SMTN: variants seen among roughly 807,000 people sequenced by gnomAD.
SMTN encodes smoothelin.
A neutral mutation model predicts 102.0 loss-of-function variants in SMTN; 58 were observed. The observed-to-expected ratio is 0.57, with a 90% confidence interval of 0.46 to 0.71. The LOEUF is 0.71. Among genes scored for constraint, SMTN ranks in the 30% least tolerant of loss-of-function variants. The probability of loss-of-function intolerance (pLI) is 0.00; values close to 1 mark genes in which losing one functional copy is unlikely to be tolerated. For synonymous variants in SMTN, 478 were observed against 497.9 expected, an observed-to-expected ratio of 0.96 and a Z score of 0.53; for missense variants, 1,185 against 1,241.7, an observed-to-expected ratio of 0.95 and a Z score of 0.69.
intron 2 of SMTN, among the ~76,000 whole-genome samples, chr22:31,084,793 C>A (rs997351277): frequency 6.6e-6 from 1 of 152,260 alleles, no homozygotes; most frequent in Non-Finnish European, 1.5e-5. Flanking sequence ...CTGCCCCGGT[C>A]TCGGGATCGG....
At chr22:31,069,081 G>A (rs546261581) in intron 1 of SMTN, among the ~76,000 whole-genome samples, 1 of 152,304 alleles carries the variant, frequency 6.6e-6, no homozygotes, top group South Asian at 2.1e-4. Flanking sequence ...GGGGCTAGTT[G>A]TAAGGTTTAG....
intron 3 of SMTN, 192 bp downstream of exon 3, chr22:31,088,305 C>T: frequency 1.2e-6 from 1 of 812,086 alleles, no homozygotes; most frequent in South Asian, 1.8e-5. Flanking sequence ...GGCGTCGCGG[C>T]CGTGCTGATG....
chr22:31,098,659 A>G lies in SMTN; in HGVS notation c.2160-8A>G. On this transcript the variant is annotated splice_polypyrimidine_tract_variant and splice_region_variant and intron_variant, in intron 16 of 20. Coordinates refer to ENST00000333137, the MANE Select transcript of SMTN (RefSeq NM_134269.3). ...TCCCTGCCTAACATGCGCCTCCCCA[A>G]CCCCTAGCATCTTCGACCGCGAGGA... 6.2e-7 allele frequency: 1 copy of G among 1,612,364 alleles called. No individual in the cohort carries two copies. Among genetic ancestry groups the G allele is most frequent in the Non-Finnish European group, 8.5e-7 (1 of 1,179,416 alleles).
At chr22:31,098,064 G>C (rs1012418251) in intron 16 of SMTN, among the ~76,000 whole-genome samples, 2 of 152,158 alleles carry the variant, frequency 1.3e-5, no homozygotes, top group South Asian at 2.1e-4. Flanking sequence ...AGAAAGGAGG[G>C]TACCCCCATG....
chr22:31,071,531 C>T (rs925159952), intron 1 of SMTN, among the ~76,000 whole-genome samples: 1 of 151,428 alleles, frequency 6.6e-6, no homozygotes, highest in African/African-American at 2.4e-5. Context: ...GTGGGAGGAT[C>T]GCTTGAGCCC....
At chr22:31,092,520 C>T (rs779530742) in intron 11 of SMTN, 44 of 471,114 alleles carry the variant, frequency 9.3e-5, no homozygotes, top group Middle Eastern at 3.2e-4. Context: ...GCGGGCCACC[C>T]GGCTGCCCAG....
In SMTN at chr22:31,089,925, G is replaced by A. The variant is rs1196702909; in HGVS notation, c.698G>A (p.Ser233Asn). ...AQCLTAEVPG[S>N]PEPPPSPPKT... is the part of the protein sequence containing the mutation. Reference sequence around the variant, plus strand: ...TGCCTTACAGCTGAGGTTCCAGGCAGCCCAGAGCCACCCCCCAGCCCACCC... The same window carrying A: ...TGCCTTACAGCTGAGGTTCCAGGCAACCCAGAGCCACCCCCCAGCCCACCC... The change falls in exon 7 of 21, where the codon AGC becomes AAC. Residue 233 changes from serine (S) to asparagine (N), a missense_variant. By Grantham distance (46) the Ser-to-Asn change is conservative. This residue lies in a region of SMTN where 1,096 missense variants were observed against 1,112.7 expected (regional missense o/e 0.98). Transcript: ENST00000333137. 4 of 1,606,812 alleles carry A rather than the reference G, an allele frequency of 2.5e-6. 1 individual carries two copies. The South Asian group carries it at 4.4e-5, about 18-fold the overall frequency.
In SMTN at chr22:31,099,060, A is replaced by C; in HGVS notation, c.2334-2A>C. On this transcript the variant is annotated splice_acceptor_variant, in intron 17 of 20. Transcript: ENST00000333137. LOFTEE classifies it high-confidence loss of function. ...GACCTGGTCCTGACACCGCCCCTAC[A>C]GCAGCCCTGGCGGACCCCGCGCAGC... is the stretch of plus-strand genomic sequence containing the variant. The C allele has an allele frequency of 6.2e-7, 1 of 1,610,798 alleles. No individual in the cohort carries two copies. The highest frequency in any genetic ancestry group is 8.5e-7 in the Non-Finnish European group (1 of 1,179,662).
intron 1 of SMTN, chr22:31,064,642 A>G (rs1312328372): frequency 6.6e-6 from 1 of 152,150 alleles, no homozygotes; most frequent in Non-Finnish European, 1.5e-5. Context: ...ACAGGTGCAC[A>G]CCACCACACC....
chr22:31,079,541 G>A (rs1029847956), upstream of SMTN, among the ~76,000 whole-genome samples: 3 of 152,252 alleles, frequency 2.0e-5, no homozygotes, highest in Admixed American at 6.5e-5. Context: ...AATCAGAGGT[G>A]GCCTAGGTGT....
In SMTN at chr22:31,085,132, G is replaced by C. The variant is rs1395356096; in HGVS notation, c.51+1823G>C. ...CCGCGTGCCCCTCCACCACCCGCCG[G>C]GACGCCCTCTGCCTCGGTCCCGAGT... is the stretch of plus-strand genomic sequence containing the variant. On this transcript the variant is annotated intron_variant, in intron 2 of 20. Coordinates refer to ENST00000333137, the MANE Select transcript of SMTN (RefSeq NM_134269.3). 2.0e-6 allele frequency: 3 copies of C among 1,535,414 alleles called. No homozygotes were observed. In the South Asian group the frequency reaches 3.6e-5, roughly 18 times the overall value.
At chr22:31,093,951 C>A in intron 11 of SMTN, 1 of 976,536 alleles carries the variant, frequency 1.0e-6, no homozygotes, top group Non-Finnish European at 1.5e-6. Context: ...GGTATGTCAC[C>A]ACCTTCTCTG....
At position 31,095,783 on chromosome 22, in the gene SMTN, C is replaced by T; in HGVS notation, c.1861+174C>T. The T allele has an allele frequency of 3.3e-6, 2 of 614,624 alleles. No individual in the cohort carries two copies. The highest frequency in any genetic ancestry group is 5.7e-6 in the Non-Finnish European group (2 of 350,336). 38.1% of individuals were successfully genotyped at this position (614,624 alleles called of 1,614,324 possible). On this transcript the variant is annotated intron_variant, in intron 13 of 20. Transcript: ENST00000333137. The surrounding 1 kb of genome is among the most constrained non-coding windows in gnomAD (Gnocchi z 4.1). The stretch of plus-strand genomic sequence containing the variant: ...TCCCTGCTGGATCCAGCTGCTCCTT[C>T]CCTAGCTCCTTCTCTCCCGCTGGTG...
In SMTN at chr22:31,089,767, C is replaced by T. The variant is rs2042975823; in HGVS notation, c.540C>T (p.Thr180=). ...VSKPTPTPEG[T]SQDVTTVTLL... is the part of the protein sequence containing the mutation. ...AGCCAACCCCCACCCCTGAAGGCAC[C>T]AGCCAGGATGTGACCACAGTGACAC... Residue 180 remains threonine (T), a synonymous_variant, in exon 7 of 21, where the codon ACC becomes ACT. Transcript: ENST00000333137. 6.2e-7 allele frequency: 1 copy of T among 1,612,432 alleles called. No individual in the cohort carries two copies. Among genetic ancestry groups the T allele is most frequent in the Non-Finnish European group, 8.5e-7 (1 of 1,179,962 alleles).
intron 2 of SMTN, chr22:31,085,433 A>T (rs1400994501): frequency 5.4e-6 from 4 of 740,402 alleles, no homozygotes; most frequent in African/African-American, 1.8e-5. Flanking sequence ...AAGCCTGGAG[A>T]GCCCCCTCCG....
Position 31,104,466 on chromosome 22 carries a change from GC to G in SMTN, c.*173del. ...TGCGCCTGCGCGGCAAGAATGTCTAGCCTGCCCGCCCGCATGGCCAGCCAGT... is the reference window on the plus strand; with the variant it reads ...TGCGCCTGCGCGGCAAGAATGTCTAGCTGCCCGCCCGCATGGCCAGCCAGT... On this transcript the variant is annotated 3_prime_UTR_variant, in exon 21 of 21. Coordinates refer to ENST00000333137, the MANE Select transcript of SMTN (RefSeq NM_134269.3). 3.1e-6 allele frequency: 5 copies of G among 1,612,566 alleles called. No homozygotes were observed. The highest frequency in any genetic ancestry group is 4.2e-6 in the Non-Finnish European group (5 of 1,179,882).
At chr22:31,098,592 C>T (rs1481547572) in intron 16 of SMTN, 75 bp from the exon 17 acceptor site, 4 of 1,474,852 alleles carry the variant, frequency 2.7e-6, no homozygotes, top group Non-Finnish European at 3.7e-6. Context: ...ACCCCCCCTC[C>T]TCCTCGCGAG....
At chr22:31,090,068 G>T in intron 7 of SMTN, 40 bp from the exon 8 acceptor site, 4 of 1,610,594 alleles carry the variant, frequency 2.5e-6, no homozygotes, top group Non-Finnish European at 3.4e-6. Context: ...GCAGGTCTGG[G>T]AGTCAGGCCT....
At chr22:31,072,495 T>C in intron 1 of SMTN, among the ~76,000 whole-genome samples, 1 of 152,246 alleles carries the variant, frequency 6.6e-6, no homozygotes, top group African/African-American at 2.4e-5. Flanking sequence ...GGAATTTCCC[T>C]CTTGTCACCC....
Sources: allele counts gnomAD v4.1 joint callset (sites outside exome capture counted in the v4.1 genomes callset), GRCh38; gene constraint gnomAD v4.1.1; regional missense constraint gnomAD v4.1.1; non-coding constraint Gnocchi (gnomAD v3.1); transcripts MANE v1.5; gene names NCBI Gene and HGNC (gene_info 2026-07-23, HGNC 2026-07-21).